CSMD2: variants seen among roughly 807,000 people sequenced by gnomAD.
CSMD2 encodes CUB and sushi domain-containing protein 2.
Under a neutral mutation model 398.5 loss-of-function variants are expected in CSMD2, and 130 were observed. The observed-to-expected ratio is 0.33, with a 90% CI of 0.28 to 0.38. The LOEUF is 0.38. Ranked by LOEUF, CSMD2 falls within the 10% of genes least tolerant of loss-of-function variation. The pLI is 1.00. For missense variants in CSMD2, 3,829 were observed against 4,764.9 expected (o/e 0.80, Z 5.78); for synonymous variants, 1,828 against 1,908.5 (o/e 0.96, Z 1.10).
chr1:33,820,808 C>T (rs1465937275), intron 7 of CSMD2, among the ~76,000 whole-genome samples: 3 of 151,860 alleles, frequency 2.0e-5, no homozygotes, highest in African/African-American at 7.3e-5. Flanking sequence ...GGCTCAGAGA[C>T]AGGCCCTCCA....
intron 29 of CSMD2, among the ~76,000 whole-genome samples, chr1:33,637,384 A>G (rs1300231216): frequency 2.0e-5 from 3 of 152,192 alleles, no homozygotes; most frequent in Admixed American, 2.0e-4. Context: ...TCAGTCATAC[A>G]GTTTATGAAT....
At chr1:33,553,001 T>C (rs1657602173) in intron 55 of CSMD2, among the ~76,000 whole-genome samples, 2 of 152,304 alleles carry the variant, frequency 1.3e-5, no homozygotes. Context: ...GAAAAGATTG[T>C]CAGATAGGGT....
rs1403095852 is a variant in CSMD2 at position 33,692,916 on chromosome 1, G to C, written c.4052+14C>G. ...ACAACTGGCGATAGTTACTTTGTCA[G>C]CCCTGACACTTACCCAATGGTGCAG... On this transcript the variant is annotated intron_variant, in intron 25 of 70. Transcript: ENST00000373381. 1.2e-6 allele frequency: 2 copies of C among 1,608,526 alleles called. No individual in the cohort carries two copies. The highest frequency in any genetic ancestry group is 2.7e-5 in the African/African-American group (2 of 74,696).
At chr1:33,852,722 T>A (rs931641867) in intron 5 of CSMD2, among the ~76,000 whole-genome samples, 5 of 152,244 alleles carry the variant, frequency 3.3e-5, no homozygotes, top group African/African-American at 1.2e-4. Flanking sequence ...CTTCTTTTTG[T>A]CTCAGTATCT....
chr1:33,576,319 G>A (rs1393469281), intron 49 of CSMD2, among the ~76,000 whole-genome samples: 2 of 152,254 alleles, frequency 1.3e-5, no homozygotes, highest in South Asian at 2.1e-4. Context: ...GTCCAGGCGC[G>A]GTGGCTCACA....
intron 24 of CSMD2, among the ~76,000 whole-genome samples, chr1:33,695,047 A>G (rs1645373694): frequency 6.6e-6 from 1 of 152,180 alleles, no homozygotes. Context: ...AGGGTCAGGG[A>G]GGGTGCTGGT....
At chr1:33,708,774 G>A (rs1468820841) in intron 22 of CSMD2, among the ~76,000 whole-genome samples, 1 of 151,830 alleles carries the variant, frequency 6.6e-6, no homozygotes, top group African/African-American at 2.4e-5. Context: ...GCTAATTTTT[G>A]TATTTTTTGT....
intron 1 of CSMD2, among the ~76,000 whole-genome samples, chr1:34,091,203 A>C (rs1658515922): frequency 6.6e-6 from 1 of 152,250 alleles, no homozygotes; most frequent in South Asian, 2.1e-4. Flanking sequence ...TCATGAGAGC[A>C]GACACCACAT....
At chr1:33,750,211 A>G (rs980501989) in intron 13 of CSMD2, among the ~76,000 whole-genome samples, 3 of 152,084 alleles carry the variant, frequency 2.0e-5, no homozygotes, top group Non-Finnish European at 4.4e-5. Context: ...TCCAGGCCAG[A>G]TCTTTTTTTT....
intron 6 of CSMD2, among the ~76,000 whole-genome samples, chr1:33,830,261 C>A (rs1022697260): frequency 6.6e-6 from 1 of 152,200 alleles, no homozygotes; most frequent in African/African-American, 2.4e-5. Flanking sequence ...AGGCACCCCC[C>A]AGTAGGGGCA....
At chr1:34,076,787 G>C (rs1656378094) in intron 2 of CSMD2, among the ~76,000 whole-genome samples, 1 of 150,560 alleles carries the variant, frequency 6.6e-6, no homozygotes, top group African/African-American at 2.4e-5. Flanking sequence ...TTAGCATACT[G>C]TGGATATCAG....
chr1:33,566,567 C>T (rs1020526323), intron 53 of CSMD2, among the ~76,000 whole-genome samples: 7 of 151,938 alleles, frequency 4.6e-5, no homozygotes, highest in Admixed American at 3.3e-4. Flanking sequence ...AGAATCACAC[C>T]TAAGAGAAGC....
chr1:34,120,587 C>T (rs1489029343), intron 1 of CSMD2, among the ~76,000 whole-genome samples: 2 of 152,146 alleles, frequency 1.3e-5, no homozygotes, highest in African/African-American at 4.8e-5. Flanking sequence ...TCTTGTTGCC[C>T]AGGCTGGAGT....
intron 17 of CSMD2, 68 bp from the exon 18 acceptor site, chr1:33,724,772 C>T: frequency 2.1e-6 from 3 of 1,434,084 alleles, no homozygotes; most frequent in Non-Finnish European, 2.9e-6. Flanking sequence ...CAGTTGACTC[C>T]AAAGAGTAAG....
intron 3 of CSMD2, among the ~76,000 whole-genome samples, chr1:33,990,142 T>C (rs1009960047): frequency 1.3e-5 from 2 of 151,620 alleles, no homozygotes; most frequent in African/African-American, 4.8e-5. Context: ...CATGGTGGCC[T>C]GCGCCTGTAA....
chr1:34,040,169 CA>C (rs1651674918), intron 2 of CSMD2, among the ~76,000 whole-genome samples: 1 of 143,668 alleles, frequency 7.0e-6, no homozygotes, highest in Admixed American at 7.0e-5. Flanking sequence ...CCAGCCTGGG[CA>C]AAAAAGTGAG....
chr1:33,517,891 C>A (rs1448699511), intron 70 of CSMD2, among the ~76,000 whole-genome samples: 1 of 152,216 alleles, frequency 6.6e-6, no homozygotes, highest in Non-Finnish European at 1.5e-5. Context: ...GCTCTTGTAA[C>A]CCCCTCCGCA....
chr1:34,123,671 T>C (rs1445001573), intron 1 of CSMD2, among the ~76,000 whole-genome samples: 1 of 151,472 alleles, frequency 6.6e-6, no homozygotes, highest in Non-Finnish European at 1.5e-5. Context: ...GTAGATAGGG[T>C]AGGAGTTGAA....
At chr1:33,817,514 G>A (rs1211079660) in intron 9 of CSMD2, among the ~76,000 whole-genome samples, 1 of 152,176 alleles carries the variant, frequency 6.6e-6, no homozygotes, top group East Asian at 1.9e-4. Context: ...CAAAGTCCAT[G>A]TGACTCCCAA....
Sources: allele counts gnomAD v4.1 joint callset (sites outside exome capture counted in the v4.1 genomes callset), GRCh38; gene constraint gnomAD v4.1.1; transcripts MANE v1.5; gene names NCBI Gene and HGNC (gene_info 2026-07-23, HGNC 2026-07-21).